PIGR: variants seen among roughly 807,000 people sequenced by gnomAD.
PIGR encodes polymeric immunoglobulin receptor, also known as hepatocellular carcinoma associated protein TB6.
A neutral mutation model predicts 69.5 loss-of-function variants in PIGR; 22 were observed. The observed-to-expected ratio is 0.32, with a 90% CI of 0.23 to 0.45. The LOEUF is 0.45. Ranked by LOEUF, PIGR falls within the 20% of genes least tolerant of loss-of-function variation. PIGR has a pLI of 1.00. For missense variants in PIGR, 885 were observed against 974.0 expected (o/e 0.91, Z 1.22); for synonymous variants, 413 against 407.6 (o/e 1.01, Z -0.16).
In PIGR at chr1:206,935,740, C is replaced by T. The variant is rs367816713; in HGVS notation, c.1124G>A (p.Arg375His). 9.2e-5 allele frequency: 149 copies of T among 1,613,940 alleles called. No homozygotes were observed. Among genetic ancestry groups the T allele is most frequent in the Non-Finnish European group, 1.2e-4 (137 of 1,179,968 alleles). ...GSVAVLCPYN[R>H]KESKSIKYWC... is the part of the protein sequence containing the mutation. ...GTACTTGATGCTTTTGCTTTCCTTA[C>T]GGTTGTAGGGGCAGAGCACGGCCAC... is the stretch of plus-strand genomic sequence containing the variant. The change falls in exon 5 of 11, where the codon CGT becomes CAT. Residue 375 changes from arginine (R) to histidine (H), a missense_variant. By Grantham distance (29) the Arg-to-His change is conservative (BLOSUM62 0). Coordinates refer to ENST00000356495, the MANE Select transcript of PIGR (RefSeq NM_002644.4). This position sits in a 1 kb window ranked among gnomAD's most constrained non-coding sequence, Gnocchi z 4.4.
At chr1:206,934,063 T>C (rs183501548) in intron 6 of PIGR, among the ~76,000 whole-genome samples, 1 of 152,240 alleles carries the variant, frequency 6.6e-6, no homozygotes, top group Admixed American at 6.5e-5. Flanking sequence ...GTTTTCTCCA[T>C]GTCAGCCAGG....
chr1:206,935,661 G>T lies in PIGR; in HGVS notation c.1203C>A (p.Ser401Arg), dbSNP rs769827919. 1 of 1,613,930 alleles carries T rather than the reference G, an allele frequency of 6.2e-7. No homozygotes were observed. Among genetic ancestry groups the T allele is most frequent in the Admixed American group, 1.7e-5 (1 of 59,996 alleles). The change falls in exon 5 of 11, where the codon AGC (serine) becomes AGA (arginine). Residue 401 changes from serine (S) to arginine (R), a missense_variant. By Grantham distance (110) the Ser-to-Arg change is moderately radical. Transcript: ENST00000356495. The surrounding 1 kb of genome is among the most constrained non-coding windows in gnomAD (Gnocchi z 4.4). ...QNGRCPLLVD[S>R]EGWVKAQYEG... ...CGTACTGGGCCTTAACCCACCCCTC[G>T]CTGTCCACCAGCAGGGGGCAGCGGC...
chr1:206,933,515 T>C (rs1485067864), intron 6 of PIGR, among the ~76,000 whole-genome samples: 1 of 152,200 alleles, frequency 6.6e-6, no homozygotes, highest in Admixed American at 6.5e-5. Flanking sequence ...ATGATAGTGC[T>C]GCCCCCTGGA....
At chr1:206,945,032 T>A (rs1680077158) in intron 1 of PIGR, among the ~76,000 whole-genome samples, 1 of 152,300 alleles carries the variant, frequency 6.6e-6, no homozygotes, top group East Asian at 1.9e-4. Context: ...CCATTTTTTA[T>A]CACCTAAAGC....
chr1:206,944,510 A>G (rs919279747), intron 1 of PIGR, among the ~76,000 whole-genome samples: 1 of 152,128 alleles, frequency 6.6e-6, no homozygotes, highest in African/African-American at 2.4e-5. Context: ...AGACACCTGG[A>G]CCCAGAGGTA....
Position 206,930,500 on chromosome 1 carries a change from T to C in PIGR, c.2200-87A>G. The C allele has an allele frequency of 6.8e-7, 1 of 1,476,590 alleles. No individual in the cohort carries two copies. The highest frequency in any genetic ancestry group is 9.0e-7 in the Non-Finnish European group (1 of 1,111,268). The allele number at this position is 1,476,590 out of a possible 1,614,324, so 91.5% of individuals were successfully genotyped here. On this transcript the variant is annotated intron_variant, in intron 10 of 10. Transcript: ENST00000356495. This position sits in a 1 kb window ranked among gnomAD's most constrained non-coding sequence, Gnocchi z 4.3. ...GAGGGGAGGTGCTTAATGTCCTGAA[T>C]TCGTGATCTTGGTCCAAGCAACACA...
At position 206,929,995 on chromosome 1, in the gene PIGR, C is replaced by G. The variant is rs1679700319; in HGVS notation, c.*323G>C. The G allele has an allele frequency of 7.0e-6, 2 of 287,312 alleles. No individual in the cohort carries two copies. Among genetic ancestry groups the G allele is most frequent in the East Asian group, 1.2e-4 (2 of 17,100 alleles). 17.8% of individuals were successfully genotyped at this position (287,312 alleles called of 1,614,324 possible). On this transcript the variant is annotated 3_prime_UTR_variant, in exon 11 of 11. Coordinates refer to ENST00000356495, the MANE Select transcript of PIGR (RefSeq NM_002644.4). ...GTGCAGAGGGGCGCTGCACGTCTCT[C>G]CTTTCTGCAATCAGCTCTCCCACCC...
intron 1 of PIGR, among the ~76,000 whole-genome samples, chr1:206,946,073 C>T (rs1377354501): frequency 4.6e-5 from 7 of 152,216 alleles, no homozygotes; most frequent in Non-Finnish European, 1.5e-5. Flanking sequence ...ATTACATATG[C>T]TGACCACAGA....
chr1:206,943,732 T>A (rs1259610675), intron 1 of PIGR, among the ~76,000 whole-genome samples: 3 of 152,220 alleles, frequency 2.0e-5, no homozygotes, highest in Admixed American at 2.0e-4. Context: ...AGAGTAGAAG[T>A]CTGCTTGCTG....
intron 8 of PIGR, 47 bp downstream of exon 8, chr1:206,932,409 A>G (rs554909585): frequency 6.4e-7 from 1 of 1,574,112 alleles, no homozygotes; most frequent in African/African-American, 1.4e-5. Flanking sequence ...TTCAGGACTG[A>G]GGGCTCGGGT....
rs753293434 is a variant in PIGR, at chr1:206,939,310, G to T, written c.197C>A (p.Thr66Asn). The T allele has an allele frequency of 1.9e-6, 3 of 1,614,126 alleles. No individual in the cohort carries two copies. The highest frequency in any genetic ancestry group is 1.3e-5 in the African/African-American group (1 of 74,934). The stretch of plus-strand genomic sequence containing the variant: ...GACGTAGCCCTCCGAGGAGATGAGG[G>T]TTATGCAGCCACCTCTAGCTCCCTG... ...CRQGARGGCI[T>N]LISSEGYVSS... is the part of the protein sequence containing the mutation. Residue 66 changes from threonine (T) to asparagine (N), a missense_variant, in exon 3 of 11, where the codon ACC (threonine) becomes AAC (asparagine). Coordinates refer to ENST00000356495, the MANE Select transcript of PIGR (RefSeq NM_002644.4).
chr1:206,940,400 T>A, intron 2 of PIGR, 89 bp downstream of exon 2: 3 of 1,250,930 alleles, frequency 2.4e-6, no homozygotes, highest in Non-Finnish European at 3.4e-6. Context: ...TGGGGATGAG[T>A]CTGATTTTAG....
intron 3 of PIGR, among the ~76,000 whole-genome samples, chr1:206,938,592 C>A (rs566866827): frequency 1.3e-5 from 2 of 152,084 alleles, no homozygotes; most frequent in African/African-American, 4.8e-5. Context: ...TTGTTAGCAA[C>A]CCATCCTTTC....
intron 8 of PIGR, 89 bp downstream of exon 8, chr1:206,932,367 G>C: frequency 7.1e-7 from 1 of 1,401,946 alleles, no homozygotes; most frequent in Non-Finnish European, 9.5e-7. Flanking sequence ...TGAAAAAGAA[G>C]AGACACAGCA....
In PIGR at chr1:206,931,689, A is replaced by G. The variant is rs1425991865; in HGVS notation, c.2122T>C (p.Ser708Pro). 6.2e-7 allele frequency: 1 copy of G among 1,613,950 alleles called. No individual in the cohort carries two copies. The highest frequency in any genetic ancestry group is 2.2e-5 in the East Asian group (1 of 44,864). The change falls in exon 9 of 11, where the codon TCC becomes CCC. Residue 708 changes from serine to proline, a missense_variant. Physicochemically the swap from Ser to Pro is moderately conservative, Grantham distance 74. Coordinates refer to ENST00000356495, the MANE Select transcript of PIGR (RefSeq NM_002644.4). ...MGASSITQET[S>P]LGGKEEFVAT... ...GTCATACCTTCTTTTCCTCCGAGGG[A>G]TGTCTCCTGAGTGATCGAAGAGGCT...
At chr1:206,931,979 C>T (rs539562708) in intron 8 of PIGR, 177 bp from the exon 9 acceptor site, 2 of 681,834 alleles carry the variant, frequency 2.9e-6, no homozygotes, top group South Asian at 1.8e-5. Flanking sequence ...AGTCCCTTTT[C>T]CTGGGTAATC....
chr1:206,934,871 G>C, intron 5 of PIGR, 125 bp from the exon 6 acceptor site: 1 of 578,294 alleles, frequency 1.7e-6, no homozygotes, highest in Non-Finnish European at 2.8e-6. Flanking sequence ...TTTTGTTTTT[G>C]TTTTTGAGAC....
chr1:206,936,896 A>G (rs1309119256), intron 4 of PIGR, among the ~76,000 whole-genome samples, 199 bp downstream of exon 4: 1 of 152,244 alleles, frequency 6.6e-6, no homozygotes. Flanking sequence ...AAGAGTAATT[A>G]GGAGCTGCCA....
intron 10 of PIGR, 185 bp downstream of exon 10, chr1:206,931,312 C>A: frequency 6.8e-7 from 1 of 1,470,132 alleles, no homozygotes. Context: ...TCCACATCAG[C>A]ATCCCACAAC....
Sources: gnomAD v4.1 joint callset for allele counts (sites outside exome capture counted in the v4.1 genomes callset) on GRCh38, gnomAD v4.1.1 for gene constraint, Gnocchi (gnomAD v3.1) non-coding constraint, MANE v1.5 for transcripts, NCBI Gene and HGNC (gene_info 2026-07-23, HGNC 2026-07-21) for gene names.